PCDH15: variants seen among roughly 807,000 people sequenced by gnomAD.
The protein encoded by PCDH15 is protocadherin-15.
Under a neutral mutation model 178.5 loss-of-function variants are expected in PCDH15, and 129 were observed. That is an observed-to-expected ratio of 0.72 (90% CI 0.63 to 0.84). PCDH15 has a LOEUF of 0.84. Among genes scored for constraint, PCDH15 ranks in the 40% least tolerant of loss-of-function variants. The pLI is 0.00. For missense variants in PCDH15, 2,230 were observed against 2,099.9 expected (o/e 1.06, Z -1.21); for synonymous variants, 800 against 732.0 (o/e 1.09, Z -1.50).
In PCDH15 at chr10:54,153,247, T is replaced by C. The variant is rs758114892; in HGVS notation, c.1637A>G (p.Tyr546Cys). 2 of 1,613,870 alleles carry C rather than the reference T, an allele frequency of 1.2e-6. No individual in the cohort carries two copies. The highest frequency in any genetic ancestry group is 3.3e-5 in the Admixed American group (2 of 59,978). Reference protein sequence around the residue: ...ADEGSNGEITYEILVGAQGDF... With the variant: ...ADEGSNGEITCEILVGAQGDF... ...TCCCTGAGCCCCAACAAGGATTTCA[T>C]ATGTGATCTCCCCATTTGACCCTTC... is the stretch of plus-strand genomic sequence containing the variant. The change falls in exon 14 of 38, where the codon TAT becomes TGT. Residue 546 changes from tyrosine to cysteine, a missense_variant. Coordinates refer to ENST00000644397, the MANE Select transcript of PCDH15 (RefSeq NM_001384140.1).
At chr10:54,221,017 C>T (rs1315089787) in intron 9 of PCDH15, among the ~76,000 whole-genome samples, 1 of 151,868 alleles carries the variant, frequency 6.6e-6, no homozygotes, top group Non-Finnish European at 1.5e-5. Context: ...TACAGTCAAC[C>T]TAAAGCTGTT....
chr10:54,210,578 TAAAAAC>T (rs1233318031), intron 10 of PCDH15, among the ~76,000 whole-genome samples: 2 of 152,020 alleles, frequency 1.3e-5, no homozygotes, highest in Non-Finnish European at 2.9e-5. Context: ...TCTTCTTAGT[TAAAAAC>T]TGAAACATCA....
At chr10:54,086,235 ACATGGTG>A (rs2094514610) in intron 16 of PCDH15, among the ~76,000 whole-genome samples, 1 of 152,146 alleles carries the variant, frequency 6.6e-6, no homozygotes, top group Non-Finnish European at 1.5e-5. Context: ...TGCAGAGATC[ACATGGTG>A]AGAAAGGAAG....
intron 8 of PCDH15, among the ~76,000 whole-genome samples, chr10:54,261,660 A>ATG (rs2057326967): frequency 6.8e-6 from 1 of 146,868 alleles, no homozygotes; most frequent in African/African-American, 2.5e-5. Flanking sequence ...TCTATTCTTA[A>ATG]CACACATATG....
In PCDH15 at chr10:54,654,106, A is replaced by G. The variant is rs112638606; in HGVS notation, c.91+10066T>C. On this transcript the variant is annotated intron_variant, in intron 2 of 37. Transcript: ENST00000644397. ...TTATTCCTCCTCTAACTGAAATGTTATAACTTTTGATCAACATCTCCTCTT... is the reference window on the plus strand; with the variant it reads ...TTATTCCTCCTCTAACTGAAATGTTGTAACTTTTGATCAACATCTCCTCTT... Among the ~76,000 whole-genome samples, 776 of 152,332 alleles carry G rather than the reference A, an allele frequency of 5.1e-3. 15 individuals are homozygous for G. The highest frequency in any genetic ancestry group is 0.018 in the African/African-American group (753 of 41,574).
Position 54,220,871 on chromosome 10 carries a change from A to G in PCDH15, c.986-6823T>C, listed in dbSNP as rs887592079. Reference sequence around the variant, plus strand: ...AAATAAATAAATAAATAAATAAATAAGTAAAATAAATACATCTCCTTGGAC... The same window carrying G: ...AAATAAATAAATAAATAAATAAATAGGTAAAATAAATACATCTCCTTGGAC... On this transcript the variant is annotated intron_variant, in intron 9 of 37. Transcript: ENST00000644397. 6.0e-5 allele frequency among the ~76,000 whole-genome samples: 9 copies of G among 148,778 alleles called. No homozygotes were observed. In the South Asian group the frequency reaches 1.9e-3, roughly 31 times the overall value.
rs1477154346 is a variant in PCDH15, at chr10:55,582,624, A to ATTTTTTT, written c.-156+45000_-156+45001insAAAAAAA. Among the ~76,000 whole-genome samples the ATTTTTTT allele has an allele frequency of 2.1e-4, 13 of 62,258 alleles. No individual in the cohort carries two copies. The South Asian group carries it at 2.1e-3, about 10-fold the overall frequency. 40.8% of individuals were successfully genotyped at this position (62,258 alleles called of 152,430 possible). A position where few individuals can be genotyped will look rare whatever the true frequency, so the allele number is the denominator to read the frequency against. On this transcript the variant is annotated intron_variant, in intron 2 of 5. Transcript: ENST00000613346. ...TATATATATATATATATATATATAT[A>ATTTTTTT]TATATTTTTTTTTTTTTGCTATATT...
intron 1 of PCDH15, among the ~76,000 whole-genome samples, chr10:54,745,265 G>A (rs371269047): frequency 0.022 from 3,293 of 151,928 alleles, 95 homozygotes; most frequent in African/African-American, 0.067. Flanking sequence ...TATAAATTAC[G>A]TGTGATTGGA....
intron 28 of PCDH15, among the ~76,000 whole-genome samples, chr10:53,852,137 A>C (rs183548752): frequency 3.3e-5 from 5 of 152,182 alleles, no homozygotes; most frequent in African/African-American, 1.2e-4. Flanking sequence ...TTTGAGTTTC[A>C]TGGTGAACTG....
intron 1 of PCDH15, among the ~76,000 whole-genome samples, chr10:54,725,252 T>C (rs563045841): frequency 6.6e-6 from 1 of 151,244 alleles, no homozygotes; most frequent in South Asian, 2.1e-4. Context: ...ATTTACATTA[T>C]AGTCACAGAC....
intron 2 of PCDH15, among the ~76,000 whole-genome samples, chr10:54,634,169 G>A (rs2093781211): frequency 6.7e-6 from 1 of 148,380 alleles, no homozygotes; most frequent in African/African-American, 2.4e-5. Flanking sequence ...CTTTTTATAT[G>A]GTAAATTATA....
chr10:55,573,307 T>C (rs910862671), intron 2 of PCDH15, among the ~76,000 whole-genome samples: 5 of 152,118 alleles, frequency 3.3e-5, no homozygotes, highest in Non-Finnish European at 5.9e-5. Context: ...AAGAAATTGA[T>C]GGACCATCTA....
chr10:54,233,775 T>A (rs2054322126), intron 9 of PCDH15, among the ~76,000 whole-genome samples: 1 of 152,212 alleles, frequency 6.6e-6, no homozygotes, highest in Admixed American at 6.5e-5. Flanking sequence ...TTTTATCTTT[T>A]TAGAATCCCA....
At chr10:54,669,759 A>C (rs1315893855) in intron 1 of PCDH15, among the ~76,000 whole-genome samples, 1 of 150,598 alleles carries the variant, frequency 6.6e-6, no homozygotes, top group Non-Finnish European at 1.5e-5. Flanking sequence ...AATTTAAAAT[A>C]TGTGCTAATT....
At chr10:55,349,024 G>A (rs1844837347) in intron 2 of PCDH15, among the ~76,000 whole-genome samples, 1 of 152,150 alleles carries the variant, frequency 6.6e-6, no homozygotes, top group Non-Finnish European at 1.5e-5. Flanking sequence ...CTGGGCAGGA[G>A]TCTAGGTGAC....
chr10:54,474,280 A>T (rs74541654), intron 3 of PCDH15, among the ~76,000 whole-genome samples: 171 of 152,068 alleles, frequency 1.1e-3, no homozygotes, highest in East Asian at 0.011. Context: ...CAAAGAAAAA[A>T]AAATAGTCTC....
chr10:55,124,448 A>G (rs1487410423), intron 2 of PCDH15, among the ~76,000 whole-genome samples: 1 of 152,154 alleles, frequency 6.6e-6, no homozygotes, highest in Non-Finnish European at 1.5e-5. Context: ...GCTTTTTAAA[A>G]ACTTTAATAG....
intron 2 of PCDH15, among the ~76,000 whole-genome samples, chr10:54,596,246 C>A (rs2092232637): frequency 6.6e-6 from 1 of 152,146 alleles, no homozygotes. Flanking sequence ...GGAAGCCCAT[C>A]AGACTAACAG....
chr10:54,600,055 GA>G, intron 2 of PCDH15: 1 of 1,275,150 alleles, frequency 7.8e-7, no homozygotes, highest in Non-Finnish European at 1.1e-6. Context: ...GAAAGAGGAA[GA>G]AAAGGAAATC....
Sources: gnomAD v4.1 joint callset for allele counts (sites outside exome capture counted in the v4.1 genomes callset) on GRCh38, gnomAD v4.1.1 for gene constraint, MANE v1.5 for transcripts, NCBI Gene and HGNC (gene_info 2026-07-23, HGNC 2026-07-21) for gene names.